Variants in FRMD4B observed in about 807,000 individuals in gnomAD.
The protein encoded by FRMD4B is FERM domain containing 4B, also known as FERM domain-containing protein 4B.
A neutral mutation model predicts 141.5 loss-of-function variants in FRMD4B; 74 were observed. That is an observed-to-expected ratio of 0.52 (90% CI 0.43 to 0.63). FRMD4B has a LOEUF of 0.63. FRMD4B is among the 30% of genes least tolerant of loss of function. FRMD4B has a pLI of 0.00. For synonymous variants in FRMD4B, 506 were observed against 467.9 expected, an observed-to-expected ratio of 1.08 and a Z score of -1.05; for missense variants, 1,366 against 1,253.4, an observed-to-expected ratio of 1.09 and a Z score of -1.36.
chr3:69,370,749 C>G (rs2107489619), intron 1 of FRMD4B, among the ~76,000 whole-genome samples: 1 of 152,334 alleles, frequency 6.6e-6, no homozygotes, highest in African/African-American at 2.4e-5. Context: ...CTTCTCATAT[C>G]ATGTGCTGCC....
At chr3:69,335,963 T>C (rs993817097) in intron 1 of FRMD4B, among the ~76,000 whole-genome samples, 2 of 152,106 alleles carry the variant, frequency 1.3e-5, no homozygotes, top group Admixed American at 6.6e-5. Context: ...CCTCAAGTGA[T>C]CTGCCCACCT....
upstream of FRMD4B, among the ~76,000 whole-genome samples, chr3:69,390,975 C>G (rs866669658): frequency 3.3e-5 from 5 of 152,184 alleles, no homozygotes; most frequent in South Asian, 4.2e-4. Flanking sequence ...AACAGTCTTC[C>G]CTCTTGTTAT....
At chr3:69,439,448 T>C (rs1178371439) in intron 1 of FRMD4B, among the ~76,000 whole-genome samples, 1 of 152,162 alleles carries the variant, frequency 6.6e-6, no homozygotes, top group African/African-American at 2.4e-5. Context: ...CCTGGGGTGG[T>C]CCAATCCTCC....
At chr3:69,439,477 G>A (rs925501285) in intron 1 of FRMD4B, among the ~76,000 whole-genome samples, 9 of 152,206 alleles carry the variant, frequency 5.9e-5, no homozygotes, top group African/African-American at 2.2e-4. Flanking sequence ...ATTTGGAAAT[G>A]TGGGAGAATC....
intron 1 of FRMD4B, among the ~76,000 whole-genome samples, chr3:69,360,769 T>C (rs537823774): frequency 1.3e-5 from 2 of 152,348 alleles, no homozygotes; most frequent in South Asian, 4.1e-4. Context: ...TTAGATCTTT[T>C]TTGGCAATAC....
At chr3:69,474,595 T>C (rs1457719661) in intron 1 of FRMD4B, among the ~76,000 whole-genome samples, 2 of 152,188 alleles carry the variant, frequency 1.3e-5, no homozygotes, top group Non-Finnish European at 1.5e-5. Flanking sequence ...GCTTCATATA[T>C]TATTACAACA....
chr3:69,509,722 T>G (rs1262471157), intron 1 of FRMD4B, among the ~76,000 whole-genome samples: 5 of 152,056 alleles, frequency 3.3e-5, no homozygotes, highest in Admixed American at 3.3e-4. Flanking sequence ...TTTGTTTTGT[T>G]GTGTTTTTTA....
At chr3:69,324,529 C>G (rs1417154785) in intron 1 of FRMD4B, among the ~76,000 whole-genome samples, 2 of 152,214 alleles carry the variant, frequency 1.3e-5, no homozygotes, top group African/African-American at 4.8e-5. Context: ...GGGTGCTAAA[C>G]AGCATCCCTG....
In FRMD4B at chr3:69,195,125, A is replaced by G. The variant is rs778190198; in HGVS notation, c.1385T>C (p.Met462Thr). Reference protein sequence around the residue: ...CLREAELTGKMPKEYPLNIGE... With the variant: ...CLREAELTGKTPKEYPLNIGE... Reference sequence around the variant, plus strand: ...TATGTTCAGGGGATACTCCTTTGGCATTTTGCCTGTGAGCTCCTGTAAAAC... The same window carrying G: ...TATGTTCAGGGGATACTCCTTTGGCGTTTTGCCTGTGAGCTCCTGTAAAAC... Residue 462 changes from methionine (M) to threonine (T), a missense_variant, in exon 16 of 23, where the codon ATG (methionine) becomes ACG (threonine). By Grantham distance (81) the Met-to-Thr change is moderately conservative. Coordinates refer to ENST00000398540, the MANE Select transcript of FRMD4B (RefSeq NM_015123.3). The G allele has an allele frequency of 6.2e-7, 1 of 1,614,004 alleles. No individual in the cohort carries two copies. The highest frequency in any genetic ancestry group is 2.2e-5 in the East Asian group (1 of 44,882).
At chr3:69,437,904 T>A (rs1289626852) in intron 1 of FRMD4B, among the ~76,000 whole-genome samples, 3 of 135,152 alleles carry the variant, frequency 2.2e-5, no homozygotes, top group African/African-American at 5.6e-5. Context: ...TATATACTAT[T>A]ATTGTATAAT....
chr3:69,235,804 T>C (rs766277429), intron 7 of FRMD4B, among the ~76,000 whole-genome samples: 1 of 152,172 alleles, frequency 6.6e-6, no homozygotes. Context: ...CCCTATTTCA[T>C]GGATATGAAA....
At chr3:69,500,280 G>A (rs1203613455) in intron 1 of FRMD4B, among the ~76,000 whole-genome samples, 1 of 152,186 alleles carries the variant, frequency 6.6e-6, no homozygotes, top group Admixed American at 6.5e-5. Flanking sequence ...CTCTCATCGG[G>A]ACTTATGAAA....
At chr3:69,254,111 T>A (rs1031537446) in intron 5 of FRMD4B, among the ~76,000 whole-genome samples, 7 of 152,076 alleles carry the variant, frequency 4.6e-5, no homozygotes, top group Non-Finnish European at 1.0e-4. Context: ...CACACCTTTT[T>A]TTTTTCTTTT....
chr3:69,484,117 C>T (rs979870096), intron 1 of FRMD4B, among the ~76,000 whole-genome samples: 6 of 152,038 alleles, frequency 3.9e-5, no homozygotes, highest in Non-Finnish European at 8.8e-5. Flanking sequence ...TTGAGCAAGG[C>T]GTAGGATGTT....
At chr3:69,534,424 A>G (rs150626605) in intron 1 of FRMD4B, among the ~76,000 whole-genome samples, 108 of 152,358 alleles carry the variant, frequency 7.1e-4, no homozygotes, top group Non-Finnish European at 5.9e-5. Context: ...TAACTCATGT[A>G]CCACCAGGGA....
intron 1 of FRMD4B, among the ~76,000 whole-genome samples, chr3:69,468,015 C>A (rs1448754612): frequency 6.6e-6 from 1 of 152,186 alleles, no homozygotes; most frequent in Non-Finnish European, 1.5e-5. Context: ...TTGGTGTAAG[C>A]CATTCTGAAC....
intron 19 of FRMD4B, among the ~76,000 whole-genome samples, chr3:69,186,451 C>A (rs1296873528): frequency 6.6e-6 from 1 of 152,062 alleles, no homozygotes; most frequent in African/African-American, 2.4e-5. Flanking sequence ...CTGGCTCATG[C>A]CTGTAATCCC....
intron 1 of FRMD4B, among the ~76,000 whole-genome samples, chr3:69,495,927 G>A (rs1706377929): frequency 6.6e-6 from 1 of 152,174 alleles, no homozygotes; most frequent in Admixed American, 6.5e-5. Flanking sequence ...ACTCAAACCA[G>A]TATGCAGTGA....
intron 6 of FRMD4B, 126 bp from the exon 7 acceptor site, chr3:69,249,374 T>C (rs2093446672): frequency 1.6e-6 from 1 of 642,074 alleles, no homozygotes; most frequent in Non-Finnish European, 2.8e-6. Flanking sequence ...TTCTCAGGAA[T>C]GCTCTCCCTA....
Sources: allele counts gnomAD v4.1 joint callset (sites outside exome capture counted in the v4.1 genomes callset), GRCh38; gene constraint gnomAD v4.1.1; transcripts MANE v1.5; gene names NCBI Gene and HGNC (gene_info 2026-07-23, HGNC 2026-07-21).